Variants in REEP5 observed in about 807,000 individuals in gnomAD.
REEP5 encodes the protein receptor expression-enhancing protein 5.
REEP5 carries 24 observed loss-of-function variants against 22.4 expected under a neutral mutation model. That is an observed-to-expected ratio of 1.07 (90% CI 0.78 to 1.51). REEP5 has a LOEUF of 1.51. Among genes scored for constraint, REEP5 ranks in the 40% most tolerant of loss-of-function variants. The pLI, the probability that REEP5 is intolerant of heterozygous loss-of-function variation, is 0.00. For missense variants in REEP5, 252 were observed against 233.0 expected (o/e 1.08, Z -0.53); for synonymous variants, 103 against 88.6 (o/e 1.16, Z -0.92).
intron 4 of REEP5, chr5:112,885,058 C>T (rs1333112468): frequency 1.9e-5 from 3 of 153,870 alleles, no homozygotes; most frequent in Non-Finnish European, 4.3e-5. Context: ...CATACTGAAC[C>T]GATCAATCTG....
chr5:112,907,450 T>C (rs564207165), intron 2 of REEP5, among the ~76,000 whole-genome samples: 1 of 152,354 alleles, frequency 6.6e-6, no homozygotes, highest in East Asian at 1.9e-4. Flanking sequence ...CTGAGCCACC[T>C]ACCATGTTCT....
At chr5:112,899,145 C>T (rs1035137961) in intron 3 of REEP5, among the ~76,000 whole-genome samples, 3 of 151,968 alleles carry the variant, frequency 2.0e-5, no homozygotes, top group African/African-American at 7.3e-5. Flanking sequence ...GTTGGGTGAT[C>T]ATTGCTTATT....
intron 4 of REEP5, among the ~76,000 whole-genome samples, chr5:112,886,269 G>C (rs879701784): frequency 6.6e-6 from 1 of 152,116 alleles, no homozygotes; most frequent in Non-Finnish European, 1.5e-5. Flanking sequence ...ATTGTCTTTT[G>C]GCATCCAGCA....
At position 112,891,768 on chromosome 5, in the gene REEP5, G is replaced by A. The variant is rs1231415710; in HGVS notation, c.352-4585C>T. The stretch of plus-strand genomic sequence containing the variant: ...AACGTCGGCAGGAACTTGCTCGACT[G>A]AGAGACTCAGGACTCTCACAGGAGG... On this transcript the variant is annotated intron_variant, in intron 3 of 4. Transcript: ENST00000379638. 1.9e-6 allele frequency: 3 copies of A among 1,613,920 alleles called. No individual in the cohort carries two copies. In the South Asian group the frequency reaches 3.3e-5, roughly 18 times the overall value.
intron 4 of REEP5, among the ~76,000 whole-genome samples, chr5:112,879,221 T>C (rs76459446): frequency 0.072 from 10,828 of 151,218 alleles, 471 homozygotes; most frequent in South Asian, 0.14. Flanking sequence ...CAATATATTA[T>C]CAATCTGATG....
At chr5:112,893,975 T>C (rs1463574248) in intron 3 of REEP5, 1 of 152,208 alleles carries the variant, frequency 6.6e-6, no homozygotes, top group Admixed American at 6.5e-5. Flanking sequence ...TGACCCAAAA[T>C]GGAGAATTAA....
At chr5:112,908,109 T>G (rs1244769560) in intron 2 of REEP5, among the ~76,000 whole-genome samples, 5 of 148,398 alleles carry the variant, frequency 3.4e-5, no homozygotes, top group Admixed American at 1.3e-4. Context: ...TTGTTTTTTT[T>G]TTTTTTTTTT....
chr5:112,913,999 C>A (rs1769176833), intron 2 of REEP5, among the ~76,000 whole-genome samples: 3 of 151,374 alleles, frequency 2.0e-5, no homozygotes, highest in Admixed American at 6.6e-5. Context: ...ACAAAAAATA[C>A]AAAAAATTAG....
chr5:112,915,396 G>A (rs941994044), intron 2 of REEP5, among the ~76,000 whole-genome samples: 11 of 152,046 alleles, frequency 7.2e-5, no homozygotes, highest in Middle Eastern at 3.2e-3. Flanking sequence ...TAACTGAAAC[G>A]CTGGCTGTCA....
chr5:112,899,005 C>T (rs760500071), intron 3 of REEP5, among the ~76,000 whole-genome samples: 11 of 152,136 alleles, frequency 7.2e-5, no homozygotes, highest in South Asian at 2.1e-4. Flanking sequence ...CTTTAAAAGA[C>T]ACTCACTTCA....
chr5:112,898,710 G>A (rs961575838), intron 3 of REEP5, among the ~76,000 whole-genome samples: 1 of 152,170 alleles, frequency 6.6e-6, no homozygotes, highest in South Asian at 2.1e-4. Context: ...AGGTCCCTAC[G>A]ATTAGATGGA....
intron 2 of REEP5, among the ~76,000 whole-genome samples, chr5:112,913,372 AG>A (rs2150047539): frequency 3.0e-5 from 1 of 33,698 alleles, no homozygotes; most frequent in African/African-American, 1.2e-3. Flanking sequence ...GAAAGAAAGA[AG>A]AAAGAAAGAG....
rs1767958359 is a variant in REEP5, at chr5:112,878,283, C to G, written c.*503G>C. The G allele has an allele frequency of 1.9e-5, 3 of 154,892 alleles. No individual in the cohort carries two copies. Among genetic ancestry groups the G allele is most frequent in the Admixed American group, 6.4e-5 (1 of 15,694 alleles). 9.6% of individuals were successfully genotyped at this position (154,892 alleles called of 1,614,324 possible). A position where few individuals can be genotyped will look rare whatever the true frequency, so the allele number is the denominator to read the frequency against. ...TATAAATGACACATACAACCTTCCC[C>G]TGCTCCCTCCCCATGAGCATGATGC... On this transcript the variant is annotated 3_prime_UTR_variant, in exon 5 of 5. Coordinates refer to ENST00000379638, the MANE Select transcript of REEP5 (RefSeq NM_005669.5).
Position 112,878,824 on chromosome 5 carries a change from T to A in REEP5, c.532A>T (p.Thr178Ser), listed in dbSNP as rs1767975554. 1 of 1,614,160 alleles carries A rather than the reference T, an allele frequency of 6.2e-7. No homozygotes were observed. Among genetic ancestry groups the A allele is most frequent in the Non-Finnish European group, 8.5e-7 (1 of 1,180,020 alleles). ...DAITKEAKKA[T>S]VNLLGEEKKS... ...TTTTCTTCACCCAGTAAATTCACGG[T>A]AGCTTTCTTCGCTGTTTGTTTGTTA... is the stretch of plus-strand genomic sequence containing the variant. Residue 178 changes from threonine to serine, a missense_variant, in exon 5 of 5, where the codon ACC becomes TCC. Physicochemically the swap from Thr to Ser is moderately conservative, Grantham distance 58. Transcript: ENST00000379638.
intron 4 of REEP5, among the ~76,000 whole-genome samples, chr5:112,882,630 C>G (rs867085685): frequency 6.6e-6 from 1 of 152,174 alleles, no homozygotes; most frequent in Non-Finnish European, 1.5e-5. Flanking sequence ...TCCAACTGTC[C>G]TAGAGGGGCC....
intron 3 of REEP5, chr5:112,895,760 T>C (rs1483780271): frequency 6.6e-6 from 1 of 152,228 alleles, no homozygotes; most frequent in Non-Finnish European, 1.5e-5. Context: ...TCTGTGTAAC[T>C]ATTCTACAGC....
chr5:112,916,147 C>T (rs1580756008), intron 2 of REEP5, among the ~76,000 whole-genome samples: 1 of 152,200 alleles, frequency 6.6e-6, no homozygotes, highest in Admixed American at 6.5e-5. Context: ...ACTTGTGTTC[C>T]CCAGAATGTG....
chr5:112,902,073 G>A (rs1768862084), intron 3 of REEP5, among the ~76,000 whole-genome samples: 1 of 151,836 alleles, frequency 6.6e-6, no homozygotes, highest in Non-Finnish European at 1.5e-5. Context: ...GGTGGTTGGA[G>A]TGATGGAGCT....
At chr5:112,891,112 AC>A (rs1249913569) in intron 3 of REEP5, among the ~76,000 whole-genome samples, 1 of 143,742 alleles carries the variant, frequency 7.0e-6, no homozygotes, top group African/African-American at 2.8e-5. Flanking sequence ...TCACTCTGTC[AC>A]CCAGGCTGGA....
Sources: allele counts gnomAD v4.1 joint callset (sites outside exome capture counted in the v4.1 genomes callset), GRCh38; gene constraint gnomAD v4.1.1; transcripts MANE v1.5; gene names NCBI Gene and HGNC (gene_info 2026-07-23, HGNC 2026-07-21).